SOAT1: variants seen among roughly 807,000 people sequenced by gnomAD.
SOAT1 encodes sterol O-acyltransferase 1.
SOAT1 carries 55 observed loss-of-function variants against 69.5 expected under a neutral mutation model. That is an observed-to-expected ratio of 0.79 (90% CI 0.64 to 0.99). The LOEUF (loss-of-function observed/expected upper bound fraction) is 0.99. Among genes scored for constraint, SOAT1 ranks in the 50% least tolerant of loss-of-function variants. The pLI is 0.00. For missense variants in SOAT1, 580 were observed against 669.3 expected (o/e 0.87, Z 1.47); for synonymous variants, 231 against 224.7 (o/e 1.03, Z -0.25).
At chr1:179,335,459 C>T (rs750076000) in intron 3 of SOAT1, 47 bp from the exon 4 acceptor site, 8 of 1,521,210 alleles carry the variant, frequency 5.3e-6, no homozygotes, top group African/African-American at 1.4e-5. Context: ...TAATGACTCA[C>T]AAGCATGTAT....
intron 3 of SOAT1, among the ~76,000 whole-genome samples, chr1:179,331,162 C>T (rs564113347): frequency 4.4e-4 from 67 of 152,208 alleles, no homozygotes; most frequent in African/African-American, 1.6e-3. Context: ...TTTAAATGCA[C>T]GAGTGTAAGA....
chr1:179,301,586 C>G (rs1245362672), intron 1 of SOAT1, among the ~76,000 whole-genome samples: 2 of 152,190 alleles, frequency 1.3e-5, no homozygotes, highest in African/African-American at 2.4e-5. Flanking sequence ...TCAGCTTGTT[C>G]AACTGCAGGT....
intron 2 of SOAT1, among the ~76,000 whole-genome samples, chr1:179,310,486 T>TTG (rs1665186776): frequency 6.6e-6 from 1 of 152,174 alleles, no homozygotes; most frequent in South Asian, 2.1e-4. Flanking sequence ...TAGTGCAGAC[T>TTG]TGTGAGTAGT....
intron 14 of SOAT1, among the ~76,000 whole-genome samples, chr1:179,351,015 T>G (rs1241751103): frequency 9.7e-5 from 3 of 30,948 alleles, no homozygotes; most frequent in East Asian, 2.0e-3. Context: ...ACCTGTATAT[T>G]TCTTTCTTTT....
intron 3 of SOAT1, among the ~76,000 whole-genome samples, chr1:179,329,327 G>A (rs1167884110): frequency 2.0e-5 from 3 of 151,248 alleles, no homozygotes; most frequent in East Asian, 2.0e-4. Context: ...AGACAAGAGT[G>A]AAACTCTGTC....
chr1:179,297,733 C>CAA (rs376641077), intron 1 of SOAT1, among the ~76,000 whole-genome samples: 3,176 of 119,182 alleles, frequency 0.027, 125 homozygotes, highest in African/African-American at 0.088. Context: ...GACTCCGTCT[C>CAA]AAAAAAAAAA....
In SOAT1 at chr1:179,342,188, A is replaced by G. The variant is rs144255785; in HGVS notation, c.855A>G (p.Lys285=). The G allele has an allele frequency of 6.4e-3, 10,234 of 1,610,500 alleles. 49 individuals are homozygous for G. Among genetic ancestry groups the G allele is most frequent in the Non-Finnish European group, 7.2e-3 (8,432 of 1,177,494 alleles). ...VPRVLNSAKE[K]SSTVPIPTVN... is the part of the protein sequence containing the mutation. ...GGGTACTAAATTCAGCTAAGGAGAA[A>G]TCAAGTATGTAATTTCTTTTGTTCA... Residue 285 remains lysine (K), a synonymous_variant, in exon 8 of 16, where the codon AAA becomes AAG. Transcript: ENST00000367619.
Position 179,335,604 on chromosome 1 carries a change from C to T in SOAT1, c.276C>T (p.Cys92=), listed in dbSNP as rs147328204. ...CAGCATCATTAGATAATGGTGGGTG[C>T]GCTCTCACAACCTTTTCTGTTCTTG... The part of the protein sequence containing the change: ...EKSASLDNGG[C]ALTTFSVLEG... Residue 92 remains cysteine (C), a synonymous_variant, in exon 4 of 16, where the codon TGC becomes TGT. Transcript: ENST00000367619. 218 of 1,613,798 alleles carry T rather than the reference C, an allele frequency of 1.4e-4. No homozygotes were observed. The African/African-American group carries it at 2.2e-3, about 16-fold the overall frequency.
chr1:179,305,753 T>C (rs1442946681), intron 2 of SOAT1, among the ~76,000 whole-genome samples: 1 of 152,214 alleles, frequency 6.6e-6, no homozygotes, highest in African/African-American at 2.4e-5. Context: ...TATCTGTCTT[T>C]TGATGATAGC....
At chr1:179,339,820 C>T (rs953075510) in intron 6 of SOAT1, among the ~76,000 whole-genome samples, 28 of 152,208 alleles carry the variant, frequency 1.8e-4, no homozygotes, top group African/African-American at 6.5e-4. Flanking sequence ...AGTTGACCTA[C>T]GAACAGCACG....
intron 3 of SOAT1, among the ~76,000 whole-genome samples, chr1:179,325,734 G>A (rs1023169748): frequency 7.2e-5 from 11 of 152,136 alleles, no homozygotes; most frequent in Admixed American, 1.3e-4. Flanking sequence ...ACCCAAAGGC[G>A]AAAGGGAGTT....
At chr1:179,319,102 A>T (rs1485972808) in intron 2 of SOAT1, among the ~76,000 whole-genome samples, 1 of 152,058 alleles carries the variant, frequency 6.6e-6, no homozygotes, top group Admixed American at 6.6e-5. Flanking sequence ...ATTCAAGCCA[A>T]CACTTGTTGT....
intron 1 of SOAT1, among the ~76,000 whole-genome samples, chr1:179,296,470 C>A (rs1664648583): frequency 6.6e-6 from 1 of 152,114 alleles, no homozygotes; most frequent in Non-Finnish European, 1.5e-5. Flanking sequence ...TTCTATTTTT[C>A]TAAGAGGATG....
At chr1:179,321,086 T>C (rs1288533944) in intron 2 of SOAT1, among the ~76,000 whole-genome samples, 1 of 152,018 alleles carries the variant, frequency 6.6e-6, no homozygotes, top group Admixed American at 6.6e-5. Context: ...TTTATAGTTT[T>C]AGTAGAGGTG....
intron 3 of SOAT1, among the ~76,000 whole-genome samples, chr1:179,332,339 C>T (rs1025663877): frequency 6.6e-6 from 1 of 152,146 alleles, no homozygotes; most frequent in African/African-American, 2.4e-5. Context: ...CTTTTCCAGC[C>T]TTATCTCTGA....
chr1:179,326,270 ATG>A (rs1665786437), intron 3 of SOAT1, among the ~76,000 whole-genome samples: 1 of 152,132 alleles, frequency 6.6e-6, no homozygotes, highest in South Asian at 2.1e-4. Context: ...AATCAAAATA[ATG>A]TATATCCTTC....
At chr1:179,334,570 A>G (rs145349861) in intron 3 of SOAT1, among the ~76,000 whole-genome samples, 76 of 152,260 alleles carry the variant, frequency 5.0e-4, no homozygotes, top group African/African-American at 1.7e-3. Context: ...TGTCTCGCAT[A>G]TGGATACCTA....
Position 179,344,620 on chromosome 1 carries a change from C to T in SOAT1, c.988-327C>T, listed in dbSNP as rs537986695. On this transcript the variant is annotated intron_variant, in intron 10 of 15. Transcript: ENST00000367619. ...GAACTCTGACCTCAAGTCATCCACC[C>T]GCCTCAGCCTCCCAAAGTGCTGGGA... 1.9e-3 allele frequency among the ~76,000 whole-genome samples: 294 copies of T among 152,166 alleles called. 2 individuals are homozygous for T. The highest frequency in any genetic ancestry group is 3.7e-3 in the Admixed American group (56 of 15,278).
At chr1:179,308,544 T>C (rs1016673842) in intron 2 of SOAT1, among the ~76,000 whole-genome samples, 1 of 151,586 alleles carries the variant, frequency 6.6e-6, no homozygotes, top group African/African-American at 2.4e-5. Flanking sequence ...TGGTGGTGGG[T>C]GCCTGTAATC....
Sources: allele counts gnomAD v4.1 joint callset (sites outside exome capture counted in the v4.1 genomes callset), GRCh38; gene constraint gnomAD v4.1.1; transcripts MANE v1.5; gene names NCBI Gene and HGNC (gene_info 2026-07-23, HGNC 2026-07-21).